The following KIF4A variants were observed in gnomAD, a reference collection of about 807,000 sequenced individuals.
KIF4A encodes kinesin family member 4A.
A neutral mutation model predicts 105.9 loss-of-function variants in KIF4A; 7 were observed. The observed-to-expected ratio is 0.07, with a 90% CI of 0.04 to 0.12. The LOEUF is 0.12. Among genes scored for constraint, KIF4A ranks in the 10% least tolerant of loss-of-function variants. KIF4A has a pLI of 1.00. For synonymous variants in KIF4A, 281 were observed against 331.3 expected, an observed-to-expected ratio of 0.85 and a Z score of 1.65; for missense variants, 558 against 929.2, an observed-to-expected ratio of 0.60 and a Z score of 5.19.
At chrX:70,324,738 T>A (rs1165853433) in intron 7 of KIF4A, among the ~76,000 whole-genome samples, 1 of 111,995 alleles carries the variant, frequency 8.9e-6, no homozygotes, top group Non-Finnish European at 1.9e-5. Flanking sequence ...AAACACCAAT[T>A]TTTTACTCCC....
chrX:70,345,337 A>G (rs1270298606), intron 13 of KIF4A, among the ~76,000 whole-genome samples: 1 of 109,968 alleles, frequency 9.1e-6, no homozygotes, highest in East Asian at 2.9e-4. Context: ...AGTGGCATGC[A>G]CCTGTAGTCC....
intron 2 of KIF4A, 24 bp from the exon 3 acceptor site, chrX:70,290,667 C>A: frequency 1.7e-6 from 2 of 1,200,732 alleles, no homozygotes; most frequent in Non-Finnish European, 2.3e-6. Flanking sequence ...TTTAACCTTA[C>A]GCCTTGTCCC....
chrX:70,379,118 G>A (rs1400224668), intron 18 of KIF4A, among the ~76,000 whole-genome samples: 1 of 106,429 alleles, frequency 9.4e-6, no homozygotes, highest in Non-Finnish European at 1.9e-5. Context: ...AGCAGAGATC[G>A]CACCACTGCA....
At position 70,420,855 on chromosome X, in the gene KIF4A, G is replaced by A. The variant is rs1006263414; in HGVS notation, c.*590G>A. On this transcript the variant is annotated 3_prime_UTR_variant, in exon 31 of 31. Transcript: ENST00000374403. The stretch of plus-strand genomic sequence containing the variant: ...TTTGGGAAGATCCTTCTGTGCTAGA[G>A]GGAGAAATAAAATTTCAACCTGTGT... 3 of 111,779 alleles carry A rather than the reference G, an allele frequency of 2.7e-5. No homozygotes were observed. The highest frequency in any genetic ancestry group is 1.9e-5 in the Non-Finnish European group (1 of 53,061). The allele number at this position is 111,779 out of a possible 1,213,427, so 9.2% of individuals were successfully genotyped here.
chrX:70,396,569 G>T (rs1050255907), intron 22 of KIF4A, among the ~76,000 whole-genome samples: 1 of 111,342 alleles, frequency 9.0e-6, no homozygotes, highest in Admixed American at 9.6e-5. Flanking sequence ...AGAGAGTCAG[G>T]CACCATAATT....
At chrX:70,418,807 G>A (rs929790363) in intron 29 of KIF4A, among the ~76,000 whole-genome samples, 4 of 111,935 alleles carry the variant, frequency 3.6e-5, no homozygotes, top group African/African-American at 9.7e-5. Flanking sequence ...ACCTCTGGCC[G>A]GGCACGGTGG....
At chrX:70,372,394 A>C (rs2086142310) in intron 15 of KIF4A, among the ~76,000 whole-genome samples, 1 of 112,979 alleles carries the variant, frequency 8.9e-6, no homozygotes, top group Admixed American at 9.3e-5. Flanking sequence ...CAATCCCGGC[A>C]CCTCGGGAGG....
intron 15 of KIF4A, among the ~76,000 whole-genome samples, chrX:70,356,605 A>G (rs998217871): frequency 1.8e-5 from 2 of 112,404 alleles, no homozygotes; most frequent in African/African-American, 6.5e-5. Flanking sequence ...ATCTATGTCA[A>G]ACAAATGCAT....
At chrX:70,303,292 C>CA (rs2085811639) in intron 7 of KIF4A, among the ~76,000 whole-genome samples, 1 of 112,010 alleles carries the variant, frequency 8.9e-6, no homozygotes, top group Non-Finnish European at 1.9e-5. Flanking sequence ...TGTGATTCGT[C>CA]AAAGATCATT....
At chrX:70,394,040 A>T (rs1320726081) in intron 20 of KIF4A, among the ~76,000 whole-genome samples, 4 of 107,665 alleles carry the variant, frequency 3.7e-5, no homozygotes, top group Non-Finnish European at 3.8e-5. Context: ...TAATTTTTGT[A>T]TTTTTTGTAG....
At chrX:70,364,161 T>C (rs1295831261) in intron 15 of KIF4A, among the ~76,000 whole-genome samples, 2 of 112,110 alleles carry the variant, frequency 1.8e-5, no homozygotes, top group Admixed American at 1.9e-4. Context: ...GATGAGTAGG[T>C]TGCGAAAATT....
chrX:70,352,681 G>T, intron 14 of KIF4A, 25 bp downstream of exon 14: 1 of 1,083,621 alleles, frequency 9.2e-7, no homozygotes, highest in South Asian at 2.1e-5. Context: ...CCTTTGTGTA[G>T]AACCAGGAGC....
At chrX:70,347,615 A>G (rs1278973481) in intron 13 of KIF4A, among the ~76,000 whole-genome samples, 2 of 111,638 alleles carry the variant, frequency 1.8e-5, no homozygotes, top group African/African-American at 6.5e-5. Context: ...ATTAGTCCTT[A>G]TACTGAAAAT....
intron 7 of KIF4A, among the ~76,000 whole-genome samples, chrX:70,310,309 G>A (rs1000240297): frequency 1.2e-5 from 1 of 85,695 alleles, no homozygotes; most frequent in Non-Finnish European, 2.1e-5. Context: ...ATCTCAAAAT[G>A]GTTGTGTGTG....
chrX:70,319,312 G>A lies in KIF4A; in HGVS notation c.779-10093G>A, dbSNP rs1047912169. 3.6e-5 allele frequency among the ~76,000 whole-genome samples: 4 copies of A among 111,623 alleles called. No homozygotes were observed. The Admixed American group carries it at 3.8e-4, about 11-fold the overall frequency. On this transcript the variant is annotated intron_variant, in intron 7 of 30. Transcript: ENST00000374403. ...TCCTTTAGTACCTCAAGATCTTAAC[G>A]ATATTTTTTCTATATTATCTAATAA...
At chrX:70,357,595 G>A (rs1305094131) in intron 15 of KIF4A, among the ~76,000 whole-genome samples, 2 of 111,944 alleles carry the variant, frequency 1.8e-5, no homozygotes, top group Non-Finnish European at 3.8e-5. Context: ...TTCTGAGAAT[G>A]TATACATGAA....
intron 13 of KIF4A, among the ~76,000 whole-genome samples, chrX:70,349,658 G>A (rs1416448298): frequency 7.8e-4 from 66 of 84,928 alleles, no homozygotes; most frequent in Non-Finnish European, 1.2e-3. Flanking sequence ...ACGGGGTGGC[G>A]GCTGGGCAGA....
At chrX:70,301,741 TCA>T (rs1162436452) in intron 5 of KIF4A, among the ~76,000 whole-genome samples, 157 bp from the exon 6 acceptor site, 2 of 112,087 alleles carry the variant, frequency 1.8e-5, no homozygotes, top group African/African-American at 6.5e-5. Flanking sequence ...CCAGCTATCT[TCA>T]CAGAGTTGCC....
chrX:70,406,412 T>A, intron 27 of KIF4A, 58 bp downstream of exon 27: 1 of 948,663 alleles, frequency 1.1e-6, no homozygotes, highest in Non-Finnish European at 1.5e-6. Flanking sequence ...GTGAGTGTGC[T>A]AAAATTGCCC....
Sources: gnomAD v4.1 joint callset for allele counts (sites outside exome capture counted in the v4.1 genomes callset) on GRCh38, gnomAD v4.1.1 for gene constraint, MANE v1.5 for transcripts, NCBI Gene and HGNC (gene_info 2026-07-23, HGNC 2026-07-21) for gene names.